MAGI2: variants seen among roughly 807,000 people sequenced by gnomAD.
MAGI2 encodes the protein membrane associated guanylate kinase, WW and PDZ domain containing 2.
In MAGI2, 35 loss-of-function variants were observed where a neutral mutation model predicts 133.3. The observed-to-expected ratio is 0.26, with a 90% CI of 0.20 to 0.35. The LOEUF (loss-of-function observed/expected upper bound fraction) is 0.35. Ranked by LOEUF, MAGI2 falls within the 10% of genes least tolerant of loss-of-function variation. The probability of loss-of-function intolerance (pLI) is 1.00; values close to 1 mark genes in which losing one functional copy is unlikely to be tolerated. For synonymous variants in MAGI2, 729 were observed against 710.6 expected (o/e 1.03, Z -0.41); for missense variants, 1,636 against 1,863.4 (o/e 0.88, Z 2.25).
chr7:79,362,985 A>C (rs1016630261), intron 1 of MAGI2, among the ~76,000 whole-genome samples: 2 of 151,782 alleles, frequency 1.3e-5, no homozygotes, highest in Non-Finnish European at 2.9e-5. Flanking sequence ...AAAGGCATAG[A>C]GATTAGATAG....
intron 2 of MAGI2, among the ~76,000 whole-genome samples, chr7:78,663,202 CTTTTTTTT>C (rs35544274): frequency 1.8e-5 from 2 of 109,242 alleles, no homozygotes; most frequent in Non-Finnish European, 3.6e-5. Context: ...TGTACCAACT[CTTTTTTTT>C]TTTTTTTTTT....
At chr7:79,006,971 T>A (rs543414015) in intron 2 of MAGI2, 119 bp downstream of exon 2, 2 of 685,630 alleles carry the variant, frequency 2.9e-6, no homozygotes, top group Non-Finnish European at 4.6e-6. Context: ...AAATAAGTTT[T>A]CTGTTCCAAA....
At chr7:78,176,429 C>T (rs1464803551) in intron 14 of MAGI2, among the ~76,000 whole-genome samples, 1 of 152,028 alleles carries the variant, frequency 6.6e-6, no homozygotes, top group Admixed American at 6.6e-5. Context: ...AGTATAAGCT[C>T]AGCTTCCTGG....
chr7:79,112,630 T>A (rs773403723), intron 1 of MAGI2, among the ~76,000 whole-genome samples: 15 of 152,218 alleles, frequency 9.9e-5, no homozygotes, highest in Non-Finnish European at 1.9e-4. Context: ...TCACACAATT[T>A]GCCCATATTA....
chr7:79,113,769 C>T (rs184316783), intron 1 of MAGI2, among the ~76,000 whole-genome samples: 3 of 151,668 alleles, frequency 2.0e-5, no homozygotes, highest in Non-Finnish European at 4.4e-5. Context: ...ATTCTGCTAC[C>T]CAGGGCAGTG....
intron 2 of MAGI2, among the ~76,000 whole-genome samples, chr7:78,836,299 C>A (rs182196022): frequency 6.6e-6 from 1 of 152,160 alleles, no homozygotes; most frequent in African/African-American, 2.4e-5. Flanking sequence ...TGGACTTGAA[C>A]TGGGTTTTTA....
intron 3 of MAGI2, among the ~76,000 whole-genome samples, chr7:78,599,753 G>T (rs1193516699): frequency 6.6e-6 from 1 of 152,050 alleles, no homozygotes; most frequent in Non-Finnish European, 1.5e-5. Context: ...CCCTAATTTG[G>T]TATCTTGAGT....
At chr7:78,334,195 G>A (rs1233869075) in intron 9 of MAGI2, among the ~76,000 whole-genome samples, 3 of 152,128 alleles carry the variant, frequency 2.0e-5, no homozygotes, top group African/African-American at 7.2e-5. Flanking sequence ...AGAACACTGC[G>A]CTGGGGTAGA....
At chr7:78,051,188 A>T (rs1811965832) in intron 21 of MAGI2, among the ~76,000 whole-genome samples, 1 of 152,236 alleles carries the variant, frequency 6.6e-6, no homozygotes, top group South Asian at 2.1e-4. Flanking sequence ...AGTCATGTCA[A>T]AGATGTCATG....
chr7:78,190,827 T>C (rs1212416194), intron 12 of MAGI2, among the ~76,000 whole-genome samples: 1 of 152,174 alleles, frequency 6.6e-6, no homozygotes, highest in Non-Finnish European at 1.5e-5. Flanking sequence ...GTAAAACAAA[T>C]TCAAGTCCTT....
chr7:78,748,703 A>G (rs990354141), intron 2 of MAGI2, among the ~76,000 whole-genome samples: 1 of 151,442 alleles, frequency 6.6e-6, no homozygotes, highest in Non-Finnish European at 1.5e-5. Flanking sequence ...TGTAAAAAAG[A>G]TATCGATAGG....
intron 2 of MAGI2, among the ~76,000 whole-genome samples, chr7:78,709,170 G>A (rs980922527): frequency 6.6e-5 from 10 of 151,882 alleles, no homozygotes; most frequent in East Asian, 1.9e-4. Context: ...AAAATCTGAC[G>A]TCTTAACTAT....
chr7:78,737,996 A>G (rs1822034779), intron 2 of MAGI2, among the ~76,000 whole-genome samples: 2 of 152,142 alleles, frequency 1.3e-5, no homozygotes, highest in Non-Finnish European at 2.9e-5. Flanking sequence ...AATACATTTC[A>G]TTACAAATAA....
At chr7:78,452,996 T>A (rs1364634593) in intron 6 of MAGI2, among the ~76,000 whole-genome samples, 2 of 152,108 alleles carry the variant, frequency 1.3e-5, no homozygotes, top group African/African-American at 4.8e-5. Context: ...ATTTTTGAAA[T>A]TTTTTTTACT....
chr7:79,284,585 A>G (rs1164587628), intron 1 of MAGI2, among the ~76,000 whole-genome samples: 8 of 152,124 alleles, frequency 5.3e-5, no homozygotes, highest in African/African-American at 1.9e-4. Context: ...TTAAATCATA[A>G]TGAAAATATT....
chr7:78,109,396 G>A (rs954238513), intron 20 of MAGI2, among the ~76,000 whole-genome samples: 4 of 146,860 alleles, frequency 2.7e-5, no homozygotes, highest in African/African-American at 1.0e-4. Flanking sequence ...ACTTTGGGAG[G>A]CCAAGGTGGG....
chr7:78,978,489 G>T (rs1342731948), intron 2 of MAGI2, among the ~76,000 whole-genome samples: 2 of 151,866 alleles, frequency 1.3e-5, no homozygotes, highest in Non-Finnish European at 2.9e-5. Flanking sequence ...GGTTCAGGAA[G>T]AGGGAGGGAA....
In MAGI2 at chr7:78,256,565, A is replaced by G. The variant is rs148086431; in HGVS notation, c.1425T>C (p.Tyr475=). Residue 475 remains tyrosine (Y), a synonymous_variant, in exon 10 of 22, where the codon TAT becomes TAC. Coordinates refer to ENST00000354212, the MANE Select transcript of MAGI2 (RefSeq NM_012301.4). ...GTCCAAGGACACAAACTTCATTAAT[A>G]TAGACAATGACATCACCTGTAAGAA... ...GKMETGDVIV[Y]INEVCVLGHT... The G allele has an allele frequency of 6.8e-6, 11 of 1,612,994 alleles. No individual in the cohort carries two copies. In the Admixed American group the frequency reaches 8.4e-5, roughly 12 times the overall value.
chr7:78,424,348 G>A (rs1799083458), intron 6 of MAGI2, among the ~76,000 whole-genome samples: 1 of 152,182 alleles, frequency 6.6e-6, no homozygotes, highest in African/African-American at 2.4e-5. Context: ...TATTTCAGAA[G>A]ATATATGGAA....
Sources: gnomAD v4.1 joint callset for allele counts (sites outside exome capture counted in the v4.1 genomes callset) on GRCh38, gnomAD v4.1.1 for gene constraint, MANE v1.5 for transcripts, NCBI Gene and HGNC (gene_info 2026-07-23, HGNC 2026-07-21) for gene names.